The following PTPRN2 variants were observed in gnomAD, a reference collection of about 807,000 sequenced individuals.
The protein encoded by PTPRN2 is protein tyrosine phosphatase receptor type N2.
PTPRN2 carries 74 observed loss-of-function variants against 118.8 expected under a neutral mutation model. The observed-to-expected ratio is 0.62, with a 90% CI of 0.52 to 0.76. The LOEUF is 0.76. Among genes scored for constraint, PTPRN2 ranks in the 30% least tolerant of loss-of-function variants. The pLI is 0.00. For synonymous variants in PTPRN2, 641 were observed against 608.0 expected, an observed-to-expected ratio of 1.05 and a Z score of -0.80; for missense variants, 1,481 against 1,394.4, an observed-to-expected ratio of 1.06 and a Z score of -0.99.
chr7:157,566,329 A>C (rs958148425), intron 21 of PTPRN2, among the ~76,000 whole-genome samples: 6 of 152,200 alleles, frequency 3.9e-5, no homozygotes, highest in Non-Finnish European at 7.3e-5. Flanking sequence ...CATTTGAGAA[A>C]CGCTGGGTCT....
intron 11 of PTPRN2, among the ~76,000 whole-genome samples, chr7:157,950,489 A>G (rs1176373050): frequency 6.6e-6 from 1 of 151,442 alleles, no homozygotes; most frequent in Non-Finnish European, 1.5e-5. Context: ...TGGGTGGGTC[A>G]AATGCTCACT....
intron 3 of PTPRN2, among the ~76,000 whole-genome samples, chr7:158,264,839 C>T (rs1231320135): frequency 6.6e-6 from 1 of 152,196 alleles, no homozygotes; most frequent in African/African-American, 2.4e-5. Context: ...ACGTGGGGTC[C>T]CTGGTCCTTG....
rs887066914 is a variant in PTPRN2 at position 158,565,411 on chromosome 7, C to A, written c.112+22147G>T. Among the ~76,000 whole-genome samples the A allele has an allele frequency of 6.6e-6, 1 of 152,184 alleles. No individual in the cohort carries two copies. The highest frequency in any genetic ancestry group is 2.4e-5 in the African/African-American group (1 of 41,442). On this transcript the variant is annotated intron_variant, in intron 1 of 22. Coordinates refer to ENST00000389418, the MANE Select transcript of PTPRN2 (RefSeq NM_002847.5). The surrounding 1 kb of genome is among the most constrained non-coding windows in gnomAD (Gnocchi z 4.6). ...AGACAGAGCCAGCTCTGGGCTGTGG[C>A]TGGTCATCTCAACCCCAGGTGCCAC...
intron 12 of PTPRN2, among the ~76,000 whole-genome samples, chr7:157,740,011 A>C (rs1469505708): frequency 2.0e-5 from 3 of 152,228 alleles, no homozygotes; most frequent in Non-Finnish European, 4.4e-5. Context: ...CTTTTAGCAC[A>C]GCTGGATCTT....
chr7:157,714,878 C>G (rs550604012), intron 12 of PTPRN2, among the ~76,000 whole-genome samples: 1 of 151,864 alleles, frequency 6.6e-6, no homozygotes, highest in Admixed American at 6.6e-5. Context: ...CTAGGTCTCC[C>G]GCTTTCTGAG....
At chr7:158,336,489 C>G (rs1805560707) in intron 2 of PTPRN2, among the ~76,000 whole-genome samples, 1 of 136,076 alleles carries the variant, frequency 7.3e-6, no homozygotes, top group Non-Finnish European at 1.6e-5. Context: ...AGAGCTGACG[C>G]CCGCAGATGT....
At chr7:158,370,709 A>C (rs1204336719) in intron 2 of PTPRN2, among the ~76,000 whole-genome samples, 1 of 151,976 alleles carries the variant, frequency 6.6e-6, no homozygotes, top group African/African-American at 2.4e-5. Context: ...CCAAGATTGC[A>C]CCACTGCACT....
chr7:157,813,719 C>T lies in PTPRN2; in HGVS notation c.1788+84954G>A, dbSNP rs1286931249. Among the ~76,000 whole-genome samples, 1 of 152,190 alleles carries T rather than the reference C, an allele frequency of 6.6e-6. No individual in the cohort carries two copies. Among genetic ancestry groups the T allele is most frequent in the Non-Finnish European group, 1.5e-5 (1 of 68,044 alleles). On this transcript the variant is annotated intron_variant, in intron 12 of 22. Coordinates refer to ENST00000389418, the MANE Select transcript of PTPRN2 (RefSeq NM_002847.5). This position sits in a 1 kb window ranked among gnomAD's most constrained non-coding sequence, Gnocchi z 4.7. ...AGCATTGCTTTTTAATTAGCAGCTGCCCCGAGTGCTCCAGCTGCCCTGCGT... is the reference window on the plus strand; with the variant it reads ...AGCATTGCTTTTTAATTAGCAGCTGTCCCGAGTGCTCCAGCTGCCCTGCGT...
At chr7:158,063,301 C>T (rs59678668) in intron 11 of PTPRN2, among the ~76,000 whole-genome samples, 7,377 of 152,272 alleles carry the variant, frequency 0.048, 597 homozygotes, top group African/African-American at 0.17. Context: ...CCAATCAGCA[C>T]TCTGTGTCTA....
At chr7:157,867,738 G>A (rs941744172) in intron 12 of PTPRN2, among the ~76,000 whole-genome samples, 2 of 152,228 alleles carry the variant, frequency 1.3e-5, no homozygotes, top group African/African-American at 2.4e-5. Context: ...AAAAGTCCAC[G>A]CACTAATGTT....
chr7:158,441,833 A>ATGGCAGTGG (rs1817306755), intron 2 of PTPRN2, among the ~76,000 whole-genome samples: 1 of 119,548 alleles, frequency 8.4e-6, no homozygotes, highest in Non-Finnish European at 1.8e-5. Context: ...AGTGATGGTC[A>ATGGCAGTGG]TGGCAGTGGT....
chr7:157,695,565 G>T (rs1016881105), intron 12 of PTPRN2, among the ~76,000 whole-genome samples: 4 of 152,184 alleles, frequency 2.6e-5, no homozygotes, highest in African/African-American at 9.7e-5. Context: ...AAGTAACAAT[G>T]AGTGCATTTT....
chr7:157,685,034 CG>C (rs1797108885), intron 12 of PTPRN2, among the ~76,000 whole-genome samples: 1 of 151,966 alleles, frequency 6.6e-6, no homozygotes, highest in South Asian at 2.1e-4. Flanking sequence ...CATACCTGGG[CG>C]GGAGGGCTTT....
chr7:157,553,791 C>T (rs1347420853), intron 21 of PTPRN2, among the ~76,000 whole-genome samples: 1 of 152,238 alleles, frequency 6.6e-6, no homozygotes, highest in African/African-American at 2.4e-5. Flanking sequence ...TGGACGGCTC[C>T]TGCTTCTTGC....
At chr7:158,396,388 G>A (rs960361359) in intron 2 of PTPRN2, among the ~76,000 whole-genome samples, 5 of 152,228 alleles carry the variant, frequency 3.3e-5, no homozygotes, top group African/African-American at 7.2e-5. Flanking sequence ...TGACAGCATC[G>A]TGAGGTGAAG....
At chr7:158,100,729 G>A (rs1815166958) in intron 10 of PTPRN2, among the ~76,000 whole-genome samples, 1 of 152,094 alleles carries the variant, frequency 6.6e-6, no homozygotes, top group Non-Finnish European at 1.5e-5. Context: ...CATGTCTTTA[G>A]CCCATTGTTT....
In PTPRN2 at chr7:157,785,884, T is replaced by G. The variant is rs1804005538; in HGVS notation, c.1789-102947A>C. On this transcript the variant is annotated intron_variant, in intron 12 of 22. Transcript: ENST00000389418. The surrounding 1 kb of genome is among the most constrained non-coding windows in gnomAD (Gnocchi z 7.3). ...TTTCCTGGAGTTCATAATCACTGGT[T>G]TTTTTTGTGTGCGTGTTCACCAGCC... is the stretch of plus-strand genomic sequence containing the variant. Among the ~76,000 whole-genome samples the G allele has an allele frequency of 6.6e-6, 1 of 152,124 alleles. No individual in the cohort carries two copies. Among genetic ancestry groups the G allele is most frequent in the Non-Finnish European group, 1.5e-5 (1 of 68,006 alleles).
intron 12 of PTPRN2, among the ~76,000 whole-genome samples, chr7:157,895,270 A>G (rs1797045047): frequency 6.6e-6 from 1 of 151,474 alleles, no homozygotes; most frequent in East Asian, 2.0e-4. Context: ...ACCATAAAAT[A>G]AGCCAGAGGA....
At chr7:158,420,163 C>A (rs887113243) in intron 2 of PTPRN2, among the ~76,000 whole-genome samples, 2 of 152,146 alleles carry the variant, frequency 1.3e-5, no homozygotes, top group African/African-American at 4.8e-5. Context: ...GTTTTCCTTC[C>A]CAAGGCAGGC....
Sources: gnomAD v4.1 joint callset for allele counts (sites outside exome capture counted in the v4.1 genomes callset) on GRCh38, gnomAD v4.1.1 for gene constraint, Gnocchi (gnomAD v3.1) non-coding constraint, MANE v1.5 for transcripts, NCBI Gene and HGNC (gene_info 2026-07-23, HGNC 2026-07-21) for gene names.